LRRC37A: variants seen among roughly 807,000 people sequenced by gnomAD.
The protein encoded by LRRC37A is leucine-rich repeat-containing protein 37A.
In LRRC37A, 3 loss-of-function variants were observed where a neutral mutation model predicts 35.4. The observed-to-expected ratio is 0.08, with a 90% CI of 0.04 to 0.22. The LOEUF (loss-of-function observed/expected upper bound fraction) is 0.22, where lower values mean the gene tolerates loss of function less well. Ranked by LOEUF, LRRC37A falls within the 10% of genes least tolerant of loss-of-function variation. The pLI, the probability that LRRC37A is intolerant of heterozygous loss-of-function variation, is 1.00. For missense variants in LRRC37A, 67 were observed against 565.3 expected (o/e 0.12, Z 8.94); for synonymous variants, 23 against 215.0 (o/e 0.11, Z 7.81).
the LRRC37A span, among the ~76,000 whole-genome samples, chr17:46,255,997 G>A: frequency 6.6e-6 from 1 of 152,122 alleles, no homozygotes; most frequent in African/African-American, 2.4e-5. Context: ...TTCTTATGTT[G>A]AAGCCCTCAC....
the LRRC37A span, among the ~76,000 whole-genome samples, chr17:46,281,397 C>CTT: frequency 1.4e-5 from 2 of 142,222 alleles, no homozygotes; most frequent in Non-Finnish European, 3.2e-5. Flanking sequence ...TTATTCTTGT[C>CTT]TTTTTTTTTT....
At chr17:46,250,951 T>C in the LRRC37A span, among the ~76,000 whole-genome samples, 1 of 152,138 alleles carries the variant, frequency 6.6e-6, no homozygotes, top group Non-Finnish European at 1.5e-5. Context: ...TGAGAAAGGT[T>C]CTCCCTCTGT....
At chr17:46,274,378 T>C in the LRRC37A span, among the ~76,000 whole-genome samples, 4 of 152,274 alleles carry the variant, frequency 2.6e-5, no homozygotes, top group African/African-American at 9.6e-5. Flanking sequence ...CCAGAGTCTG[T>C]AGTCCAGGAC....
At chr17:46,267,361 G>T in the LRRC37A span, 7 of 1,580,698 alleles carry the variant, frequency 4.4e-6, no homozygotes, top group African/African-American at 2.7e-5. Flanking sequence ...CGTGCTGGGC[G>T]CGGGCATCTG....
At chr17:46,260,620 C>CATTT in the LRRC37A span, 1 of 1,076,430 alleles carries the variant, frequency 9.3e-7, no homozygotes, top group Non-Finnish European at 1.2e-6. Context: ...TCTCTATTCT[C>CATTT]TTTTTTTTTT....
At chr17:46,280,866 G>A in the LRRC37A span, among the ~76,000 whole-genome samples, 3 of 152,202 alleles carry the variant, frequency 2.0e-5, no homozygotes, top group Non-Finnish European at 4.4e-5. Context: ...AAGCCATTTC[G>A]TGTCTGGCCA....
the LRRC37A span, among the ~76,000 whole-genome samples, chr17:46,268,863 T>G: frequency 2.6e-5 from 4 of 152,236 alleles, no homozygotes; most frequent in African/African-American, 4.8e-5. Context: ...ATTTACAAGA[T>G]GCTTCTTAAA....
At chr17:46,264,029 A>T in the LRRC37A span, among the ~76,000 whole-genome samples, 1 of 152,046 alleles carries the variant, frequency 6.6e-6, no homozygotes, top group African/African-American at 2.4e-5. Flanking sequence ...GATAAAATAA[A>T]CATAAAATAA....
At chr17:46,271,954 G>T in the LRRC37A span, among the ~76,000 whole-genome samples, 2 of 152,180 alleles carry the variant, frequency 1.3e-5, no homozygotes, top group Non-Finnish European at 2.9e-5. Context: ...TAGAAACAGG[G>T]TTTCACCATG....
chr17:46,253,631 C>T, the LRRC37A span, among the ~76,000 whole-genome samples: 2 of 146,666 alleles, frequency 1.4e-5, no homozygotes, highest in East Asian at 2.3e-4. Flanking sequence ...TGCCTGCAAT[C>T]GCAGGCACTT....
chr17:46,252,141 C>A, the LRRC37A span, among the ~76,000 whole-genome samples: 2 of 152,054 alleles, frequency 1.3e-5, no homozygotes, highest in Non-Finnish European at 2.9e-5. Flanking sequence ...ATAAAATTCT[C>A]TTTTTTATTT....
the LRRC37A span, chr17:46,259,683 C>T: frequency 1.2e-6 from 2 of 1,608,072 alleles, no homozygotes; most frequent in South Asian, 1.1e-5. Flanking sequence ...CATCTAGGGT[C>T]AGCACAACCC....
the LRRC37A span, among the ~76,000 whole-genome samples, chr17:46,249,136 T>C: frequency 6.6e-6 from 1 of 151,738 alleles, no homozygotes; most frequent in East Asian, 1.9e-4. Context: ...CGGCAGGGGG[T>C]CCTGGAGCCA....
chr17:46,274,651 T>G, the LRRC37A span: 11 of 152,706 alleles, frequency 7.2e-5, no homozygotes, highest in African/African-American at 2.7e-4. Context: ...GCATCTTTTT[T>G]GCAACAATAA....
chr17:46,267,456 G>A, the LRRC37A span: 250,952 of 1,600,766 alleles, frequency 0.16, 2 homozygotes, highest in Non-Finnish European at 0.18. Flanking sequence ...TTCTTCTTCC[G>A]AGTCCACATG....
chr17:46,291,366 A>C (rs2050061727), upstream of LRRC37A, among the ~76,000 whole-genome samples: 1 of 152,088 alleles, frequency 6.6e-6, no homozygotes, highest in Non-Finnish European at 1.5e-5. Flanking sequence ...CAGACACAAA[A>C]CTGTGAGCAG....
chr17:46,274,212 T>C, the LRRC37A span, among the ~76,000 whole-genome samples: 18,477 of 152,250 alleles, frequency 0.12, no homozygotes, highest in Non-Finnish European at 0.18. Context: ...ACTATCTCCA[T>C]TTATTTTGTT....
intron 7 of LRRC37A, among the ~76,000 whole-genome samples, chr17:46,326,809 A>G (rs1309918820): frequency 2.1e-5 from 1 of 46,862 alleles, no homozygotes; most frequent in Admixed American, 2.2e-4. Flanking sequence ...ATTCTTAATG[A>G]CCATGCTATA....
At chr17:46,267,014 C>CCCGCGCCGCCG in the LRRC37A span, 1 of 177,228 alleles carries the variant, frequency 5.6e-6, no homozygotes, top group South Asian at 1.7e-4. Flanking sequence ...CGGCTCGCCG[C>CCCGCGCCGCCG]CCGCGCCGCC....
Sources: gnomAD v4.1 joint callset for allele counts (sites outside exome capture counted in the v4.1 genomes callset) on GRCh38, gnomAD v4.1.1 for gene constraint, MANE v1.5 for transcripts, NCBI Gene and HGNC (gene_info 2026-07-23, HGNC 2026-07-21) for gene names.